Variants in ANGPT1 observed in about 807,000 individuals in gnomAD.
The protein encoded by ANGPT1 is angiopoietin-1.
A neutral mutation model predicts 62.2 loss-of-function variants in ANGPT1; 17 were observed. That is an observed-to-expected ratio of 0.27 (90% CI 0.19 to 0.41). The LOEUF (loss-of-function observed/expected upper bound fraction) is 0.41, where lower values mean the gene tolerates loss of function less well. Ranked by LOEUF, ANGPT1 falls within the 10% of genes least tolerant of loss-of-function variation. The pLI is 1.00. For missense variants in ANGPT1, 478 were observed against 594.9 expected (o/e 0.80, Z 2.04); for synonymous variants, 199 against 198.9 (o/e 1.00, Z 0.00).
chr8:107,497,500 C>T lies in ANGPT1; in HGVS notation c.59G>A (p.Ser20Asn). The change falls in exon 1 of 9, where the codon AGC (serine) becomes AAC (asparagine). Residue 20 changes from serine to asparagine, a missense_variant. Physicochemically the swap from Ser to Asn is conservative, Grantham distance 46. This residue lies in a region of ANGPT1 where 343 missense variants were observed against 355.4 expected (regional missense o/e 0.97). Transcript: ENST00000517746. ...GTTTTCTGGACTTCGGCGCTGATTG[C>T]TGCACCCTATGTGAGTCAGAATGGC... ...LAAILTHIGC[S>N]NQRRSPENSG... The T allele has an allele frequency of 6.2e-7, 1 of 1,614,112 alleles. No homozygotes were observed. The highest frequency in any genetic ancestry group is 8.5e-7 in the Non-Finnish European group (1 of 1,180,020).
chr8:107,281,700 C>CCGGTGAGGCGGAGGTTG (rs1429499210), intron 7 of ANGPT1, among the ~76,000 whole-genome samples: 71 of 152,116 alleles, frequency 4.7e-4, no homozygotes, highest in Admixed American at 1.2e-3. Flanking sequence ...ATTGCTTGAA[C>CCGGTGAGGCGGAGGTTG]CGGTGAGGCG....
intron 1 of ANGPT1, among the ~76,000 whole-genome samples, chr8:107,349,122 T>TTAGATAGATAGATAGA (rs142050677): frequency 0.012 from 1,671 of 143,870 alleles, 21 homozygotes; most frequent in Middle Eastern, 0.034. Flanking sequence ...GATAAGGAGA[T>TTAGATAGATAGATAGA]TAGATAGATA....
intron 6 of ANGPT1, among the ~76,000 whole-genome samples, chr8:107,288,781 A>T (rs1257749110): frequency 1.3e-5 from 2 of 152,156 alleles, no homozygotes; most frequent in African/African-American, 4.8e-5. Context: ...GCAAATTTTG[A>T]TTACATGTCT....
chr8:107,347,173 A>G (rs1262072268), intron 1 of ANGPT1, 76 bp from the exon 2 acceptor site: 1 of 1,418,060 alleles, frequency 7.1e-7, no homozygotes, highest in African/African-American at 1.4e-5. Flanking sequence ...ATTTACAATA[A>G]CAAAACAAGA....
intron 8 of ANGPT1, among the ~76,000 whole-genome samples, chr8:107,257,879 TCTTTTTTGTTTGTTTG>T (rs1563537231): frequency 4.4e-5 from 3 of 68,648 alleles, no homozygotes; most frequent in African/African-American, 1.6e-4. Flanking sequence ...TGTTTTTGTT[TCTTTTTTGTTTGTTTG>T]TTTGTTTGTT....
intron 1 of ANGPT1, among the ~76,000 whole-genome samples, chr8:107,432,143 T>TAA (rs529344726): frequency 7.0e-6 from 1 of 143,194 alleles, no homozygotes; most frequent in Non-Finnish European, 1.5e-5. Context: ...CATGCAATTA[T>TAA]AAAAAAAAAA....
intron 1 of ANGPT1, among the ~76,000 whole-genome samples, chr8:107,408,340 T>A (rs1329071996): frequency 6.6e-6 from 1 of 152,214 alleles, no homozygotes; most frequent in Non-Finnish European, 1.5e-5. Flanking sequence ...TTGGTTATTG[T>A]TAGAAAGCAG....
intron 1 of ANGPT1, among the ~76,000 whole-genome samples, chr8:107,420,940 C>T (rs1195409912): frequency 6.6e-6 from 1 of 151,990 alleles, no homozygotes; most frequent in Non-Finnish European, 1.5e-5. Context: ...AATACTCCTG[C>T]TAACATTTAT....
intron 1 of ANGPT1, among the ~76,000 whole-genome samples, chr8:107,496,152 C>A (rs1813089849): frequency 6.6e-6 from 1 of 152,154 alleles, no homozygotes. Context: ...CTTAAAGAAG[C>A]CTGATTGCAT....
rs575320418 is a variant in ANGPT1, at chr8:107,409,057, G to T, written c.298-61960C>A. Among the ~76,000 whole-genome samples, 4 of 147,926 alleles carry T rather than the reference G, an allele frequency of 2.7e-5. No individual in the cohort carries two copies. The South Asian group carries it at 8.8e-4, about 33-fold the overall frequency. ...GAAAGCTAAAGTAAAAATGATCATA[G>T]ACAAAGCTTATTTCTATTATTATGC... On this transcript the variant is annotated intron_variant, in intron 1 of 8. Coordinates refer to ENST00000517746, the MANE Select transcript of ANGPT1 (RefSeq NM_001146.5).
At chr8:107,467,317 CAT>C (rs3036575) in intron 1 of ANGPT1, among the ~76,000 whole-genome samples, 7,983 of 148,132 alleles carry the variant, frequency 0.054, 233 homozygotes, top group South Asian at 0.11. Context: ...TTTATTTATT[CAT>C]ATATATATAT....
intron 1 of ANGPT1, among the ~76,000 whole-genome samples, chr8:107,475,400 A>T (rs187610073): frequency 1.8e-3 from 274 of 152,222 alleles, no homozygotes; most frequent in Non-Finnish European, 2.2e-3. Context: ...AAGCTGAAAC[A>T]GGACCCCTTC....
intron 5 of ANGPT1, among the ~76,000 whole-genome samples, chr8:107,295,905 T>C (rs1435803182): frequency 6.6e-6 from 1 of 152,120 alleles, no homozygotes; most frequent in Non-Finnish European, 1.5e-5. Flanking sequence ...TTTATTCTCA[T>C]GATAGTCCTA....
intron 1 of ANGPT1, among the ~76,000 whole-genome samples, chr8:107,477,339 A>C (rs1812560247): frequency 6.6e-6 from 1 of 152,226 alleles, no homozygotes; most frequent in African/African-American, 2.4e-5. Flanking sequence ...AAATCATGAT[A>C]TTGTAACAGA....
intron 1 of ANGPT1, among the ~76,000 whole-genome samples, chr8:107,392,680 A>G (rs1030258128): frequency 6.6e-6 from 1 of 152,210 alleles, no homozygotes; most frequent in African/African-American, 2.4e-5. Flanking sequence ...CCTTAGGAAT[A>G]TTAACTCTAC....
At chr8:107,489,807 C>T (rs1812910579) in intron 1 of ANGPT1, among the ~76,000 whole-genome samples, 1 of 151,914 alleles carries the variant, frequency 6.6e-6, no homozygotes, top group African/African-American at 2.4e-5. Flanking sequence ...GGGGCCAAAA[C>T]CAAAGGGGGT....
chr8:107,306,170 C>T (rs1814711683), intron 4 of ANGPT1, among the ~76,000 whole-genome samples: 1 of 152,052 alleles, frequency 6.6e-6, no homozygotes, highest in Non-Finnish European at 1.5e-5. Flanking sequence ...ATGGAAGAGA[C>T]ACTAGCAGAA....
chr8:107,329,551 C>G (rs926200432), intron 3 of ANGPT1, among the ~76,000 whole-genome samples: 1 of 151,964 alleles, frequency 6.6e-6, no homozygotes, highest in Non-Finnish European at 1.5e-5. Context: ...GGTGTAAACA[C>G]GATCTCTATT....
intron 1 of ANGPT1, among the ~76,000 whole-genome samples, chr8:107,409,160 T>G (rs1003298277): frequency 6.6e-6 from 1 of 152,212 alleles, no homozygotes; most frequent in Non-Finnish European, 1.5e-5. Flanking sequence ...CAAGAAATAT[T>G]CTTATCTGAT....
Sources: gnomAD v4.1 joint callset for allele counts (sites outside exome capture counted in the v4.1 genomes callset) on GRCh38, gnomAD v4.1.1 for gene constraint, gnomAD v4.1.1 regional missense constraint, MANE v1.5 for transcripts, NCBI Gene and HGNC (gene_info 2026-07-23, HGNC 2026-07-21) for gene names.